The following LRIT3 variants were observed in gnomAD, a reference collection of about 807,000 sequenced individuals.
LRIT3 encodes leucine-rich repeat, immunoglobulin-like domain and transmembrane domain-containing protein 3.
In LRIT3, 14 loss-of-function variants were observed where a neutral mutation model predicts 22.6. The ratio of observed to expected loss-of-function variants is 0.62; its 90% CI spans 0.41 to 0.97. The LOEUF (loss-of-function observed/expected upper bound fraction) is 0.97, where lower values mean the gene tolerates loss of function less well. LRIT3 is among the 50% of genes least tolerant of loss of function. LRIT3 has a pLI of 0.00. For missense variants in LRIT3, 783 were observed against 803.0 expected, an observed-to-expected ratio of 0.98 and a Z score of 0.30; for synonymous variants, 306 against 304.5, an observed-to-expected ratio of 1.01 and a Z score of -0.05.
chr4:109,861,649 A>T (rs1431993847), intron 2 of LRIT3, among the ~76,000 whole-genome samples: 1 of 152,038 alleles, frequency 6.6e-6, no homozygotes, highest in Non-Finnish European at 1.5e-5. Context: ...CTTTTGCTTA[A>T]TTTTTAAGGG....
intron 2 of LRIT3, among the ~76,000 whole-genome samples, chr4:109,856,548 C>A (rs1051938678): frequency 6.6e-6 from 1 of 152,158 alleles, no homozygotes; most frequent in Non-Finnish European, 1.5e-5. Flanking sequence ...CCTCAAAAAT[C>A]TTTTCTTTTA....
chr4:109,867,730 G>T lies in LRIT3; in HGVS notation c.679G>T (p.Asp227Tyr), dbSNP rs766349448. The T allele has an allele frequency of 6.8e-6, 11 of 1,614,104 alleles. No homozygotes were observed. Among genetic ancestry groups the T allele is most frequent in the Non-Finnish European group, 9.3e-6 (11 of 1,179,990 alleles). The change falls in exon 3 of 4, where the codon GAT becomes TAT. Residue 227 changes from aspartate (D) to tyrosine (Y), a missense_variant. Asp to Tyr is a radical substitution (Grantham distance 160). Coordinates refer to ENST00000594814, the MANE Select transcript of LRIT3 (RefSeq NM_198506.5). Reference protein sequence around the residue: ...KVVDPAIVLLDPLMTCSEPER... With the variant: ...KVVDPAIVLLYPLMTCSEPER... ...CGTTGACCCTGCTATAGTGCTTCTG[G>T]ATCCACTGATGACTTGCAGTGAACC...
intron 2 of LRIT3, among the ~76,000 whole-genome samples, chr4:109,858,208 A>G (rs544087631): frequency 2.0e-5 from 3 of 152,266 alleles, no homozygotes; most frequent in African/African-American, 7.2e-5. Context: ...AGGAAAAGGA[A>G]TATAGGCCCA....
chr4:109,858,290 G>A (rs745883258), intron 2 of LRIT3, among the ~76,000 whole-genome samples: 4 of 152,142 alleles, frequency 2.6e-5, no homozygotes, highest in Non-Finnish European at 5.9e-5. Context: ...AGGAGGCAGA[G>A]GTTGAGCTGG....
chr4:109,861,818 A>G (rs1378926557), intron 2 of LRIT3, among the ~76,000 whole-genome samples: 1 of 152,168 alleles, frequency 6.6e-6, no homozygotes, highest in Non-Finnish European at 1.5e-5. Context: ...TTTTCCTTTT[A>G]CAGTTAGTGC....
At chr4:109,856,071 A>G (rs1006746309) in intron 2 of LRIT3, among the ~76,000 whole-genome samples, 2 of 152,074 alleles carry the variant, frequency 1.3e-5, no homozygotes, top group African/African-American at 4.8e-5. Flanking sequence ...TGCTTTTCTG[A>G]GATAGGAATC....
intron 3 of LRIT3, 24 bp from the exon 4 acceptor site, chr4:109,869,621 G>C (rs1459768386): frequency 2.6e-6 from 4 of 1,523,504 alleles, no homozygotes; most frequent in Middle Eastern, 3.6e-4. Flanking sequence ...GTTCCTCACA[G>C]ACTATACATT....
Position 109,871,255 on chromosome 4 carries a change from G to C in LRIT3, c.*466G>C, listed in dbSNP as rs1350862043. ...AGCGTGGGATCATAAAGGATTTTGT[G>C]TTCACTAAGGTTAAATCTAACTCAC... On this transcript the variant is annotated 3_prime_UTR_variant, in exon 4 of 4. Coordinates refer to ENST00000594814, the MANE Select transcript of LRIT3 (RefSeq NM_198506.5). 1 of 152,690 alleles carries C rather than the reference G, an allele frequency of 6.5e-6. No homozygotes were observed. The highest frequency in any genetic ancestry group is 1.5e-5 in the Non-Finnish European group (1 of 68,478). The allele number at this position is 152,690 out of a possible 1,614,324, so 9.5% of individuals were successfully genotyped here. A position where few individuals can be genotyped will look rare whatever the true frequency, so the allele number is the denominator to read the frequency against.
chr4:109,851,263 C>T, intron 1 of LRIT3: 1 of 497,936 alleles, frequency 2.0e-6, no homozygotes, highest in Admixed American at 3.6e-5. Context: ...ATAACAGTGC[C>T]ATATGGGAAA....
chr4:109,870,564 A>T lies in LRIT3; in HGVS notation c.1815A>T (p.Lys605Asn). The T allele has an allele frequency of 2.5e-6, 4 of 1,614,088 alleles. No homozygotes were observed. Among genetic ancestry groups the T allele is most frequent in the Non-Finnish European group, 3.4e-6 (4 of 1,179,952 alleles). Residue 605 changes from lysine to asparagine, a missense_variant, in exon 4 of 4, where the codon AAA becomes AAT. Lys to Asn is a moderately conservative substitution (Grantham distance 94). Around this residue, in one of 2 missense-constraint regions of LRIT3, gnomAD observed 756 missense variants for 753.8 expected, o/e 1.00. Coordinates refer to ENST00000594814, the MANE Select transcript of LRIT3 (RefSeq NM_198506.5). ...CATTGATTTGTTTCTTGTTGTACAA[A>T]GTTTGCAAACTGCAATGTAAATCAG... ...ILPLICFLLY[K>N]VCKLQCKSEP...
chr4:109,870,760 G>A lies in LRIT3; in HGVS notation c.2011G>A (p.Glu671Lys), dbSNP rs1734816268. 2 of 1,610,502 alleles carry A rather than the reference G, an allele frequency of 1.2e-6. No individual in the cohort carries two copies. The highest frequency in any genetic ancestry group is 2.7e-5 in the African/African-American group (2 of 74,780). Residue 671 changes from glutamate (E) to lysine (K), a missense_variant, in exon 4 of 4, where the codon GAA becomes AAA. By Grantham distance (56) the Glu-to-Lys change is moderately conservative (BLOSUM62 1). This residue lies in a region of LRIT3 where 756 missense variants were observed against 753.8 expected (regional missense o/e 1.00). Coordinates refer to ENST00000594814, the MANE Select transcript of LRIT3 (RefSeq NM_198506.5). ...SVESQVTFKS[E>K]GSRPEYYC ...GGAATCTCAGGTGACTTTTAAAAGT[G>A]AAGGTTCCAGACCAGAGTATTATTG...
rs115525045 is a variant in LRIT3 at position 109,852,027 on chromosome 4, T to C, written c.589+51T>C. Reference sequence around the variant, plus strand: ...TCATCTATAGTTACTTTGCTATGCATAGCTTTTTTTGTCCAGTCTTTTAAA... The same window carrying C: ...TCATCTATAGTTACTTTGCTATGCACAGCTTTTTTTGTCCAGTCTTTTAAA... On this transcript the variant is annotated intron_variant, in intron 2 of 3. Coordinates refer to ENST00000594814, the MANE Select transcript of LRIT3 (RefSeq NM_198506.5). The C allele has an allele frequency of 5.1e-4, 741 of 1,440,004 alleles. 2 individuals carry two copies. In the African/African-American group the frequency reaches 9.5e-3, roughly 18 times the overall value. The allele number at this position is 1,440,004 out of a possible 1,614,324, so 89.2% of individuals were successfully genotyped here.
At chr4:109,850,636 C>G (rs571328202) in intron 1 of LRIT3, among the ~76,000 whole-genome samples, 41 of 151,456 alleles carry the variant, frequency 2.7e-4, no homozygotes, top group Admixed American at 1.1e-3. Context: ...ACCACCGCGC[C>G]TGGCTAATTT....
At chr4:109,850,456 T>TTTCTTTCTTTCTTTCTTTCTTTCTTTCC (rs2125896744) in intron 1 of LRIT3, among the ~76,000 whole-genome samples, 1 of 130,584 alleles carries the variant, frequency 7.7e-6, no homozygotes, top group Admixed American at 8.5e-5. Context: ...TCTTTCTTTC[T>TTTCTTTCTTTCTTTCTTTCTTTCTTTCC]TTCTTTCTTT....
intron 2 of LRIT3, among the ~76,000 whole-genome samples, chr4:109,864,725 C>T (rs1349434568): frequency 6.6e-6 from 1 of 152,124 alleles, no homozygotes; most frequent in African/African-American, 2.4e-5. Flanking sequence ...GAAAGGATTT[C>T]AGCCTTTGGA....
chr4:109,865,185 T>C (rs1040252731), intron 2 of LRIT3: 11 of 1,479,656 alleles, frequency 7.4e-6, no homozygotes, highest in Non-Finnish European at 1.0e-5. Context: ...ATTTTGCCGA[T>C]GAGAAAACAG....
intron 3 of LRIT3, 70 bp from the exon 4 acceptor site, chr4:109,869,575 C>T: frequency 7.0e-7 from 1 of 1,430,570 alleles, no homozygotes; most frequent in Non-Finnish European, 9.4e-7. Context: ...TAGTTGTTTC[C>T]TCCTCAGTTG....
At chr4:109,868,377 C>A (rs1734737731) in intron 3 of LRIT3, among the ~76,000 whole-genome samples, 1 of 152,068 alleles carries the variant, frequency 6.6e-6, no homozygotes, top group Non-Finnish European at 1.5e-5. Context: ...TTGAGACCAG[C>A]CTGGCCAACA....
At chr4:109,856,413 A>G (rs1243652102) in intron 2 of LRIT3, among the ~76,000 whole-genome samples, 1 of 152,184 alleles carries the variant, frequency 6.6e-6, no homozygotes, top group East Asian at 1.9e-4. Flanking sequence ...TACACAGAAC[A>G]AAATTACCGA....
Sources: gnomAD v4.1 joint callset for allele counts (sites outside exome capture counted in the v4.1 genomes callset) on GRCh38, gnomAD v4.1.1 for gene constraint, gnomAD v4.1.1 regional missense constraint, MANE v1.5 for transcripts, NCBI Gene and HGNC (gene_info 2026-07-23, HGNC 2026-07-21) for gene names.